TINAG: variants seen among roughly 807,000 people sequenced by gnomAD.
TINAG encodes tubulointerstitial nephritis antigen.
In TINAG, 83 loss-of-function variants were observed where a neutral mutation model predicts 72.7. The observed-to-expected ratio is 1.14, with a 90% CI of 0.96 to 1.37. The LOEUF is 1.37. Ranked by LOEUF, TINAG falls within the 40% of genes most tolerant of loss-of-function variation. The probability of loss-of-function intolerance (pLI) is 0.00; values close to 1 mark genes in which losing one functional copy is unlikely to be tolerated. For missense variants in TINAG, 685 were observed against 576.6 expected, an observed-to-expected ratio of 1.19 and a Z score of -1.93; for synonymous variants, 234 against 189.9, an observed-to-expected ratio of 1.23 and a Z score of -1.91.
intron 10 of TINAG, among the ~76,000 whole-genome samples, chr6:54,382,512 A>T (rs960657333): frequency 6.6e-6 from 1 of 152,058 alleles, no homozygotes; most frequent in Non-Finnish European, 1.5e-5. Flanking sequence ...TAAAATATGA[A>T]ACTTTAAGTA....
At chr6:54,377,497 G>T (rs1763816341) in intron 9 of TINAG, among the ~76,000 whole-genome samples, 1 of 151,406 alleles carries the variant, frequency 6.6e-6, no homozygotes, top group Admixed American at 6.6e-5. Context: ...GGGCAACAGG[G>T]TGAGACTCGG....
Position 54,308,687 on chromosome 6 carries a change from G to A in TINAG, c.137G>A (p.Arg46Gln), listed in dbSNP as rs147898099. The change falls in exon 1 of 11, where the codon CGA becomes CAA. Residue 46 changes from arginine to glutamine, a missense_variant. Coordinates refer to ENST00000259782, the MANE Select transcript of TINAG (RefSeq NM_014464.4). ...AATCACACCGTTTTGCAAGGTACTC[G>A]ATTCAAAAGAGCCATTTTCCAAGGG... ...TRNHTVLQGT[R>Q]FKRAIFQGQY... 1.4e-5 allele frequency: 23 copies of A among 1,613,688 alleles called. No individual in the cohort carries two copies. Among genetic ancestry groups the A allele is most frequent in the Middle Eastern group, 1.6e-4 (1 of 6,080 alleles).
intron 5 of TINAG, among the ~76,000 whole-genome samples, chr6:54,345,458 G>C (rs1331587908): frequency 6.6e-6 from 1 of 152,108 alleles, no homozygotes; most frequent in Admixed American, 6.6e-5. Flanking sequence ...GAAGCCAAAA[G>C]ATGAGAAATA....
intron 1 of TINAG, among the ~76,000 whole-genome samples, chr6:54,318,055 C>T (rs1217783248): frequency 2.6e-5 from 4 of 152,026 alleles, no homozygotes; most frequent in Admixed American, 6.6e-5. Context: ...CAGGCCACTC[C>T]TTCGCAGTTT....
rs138038637 is a variant in TINAG, at chr6:54,356,657, A to C, written c.1250+2021A>C. Among the ~76,000 whole-genome samples, 865 of 152,074 alleles carry C rather than the reference A, an allele frequency of 5.7e-3. 11 individuals carry two copies. Among genetic ancestry groups the C allele is most frequent in the African/African-American group, 0.02 (822 of 41,554 alleles). On this transcript the variant is annotated intron_variant, in intron 9 of 10. Transcript: ENST00000259782. ...GTTAGTGAAAAGTTTGACAAACAAA[A>C]ATAGAAAGACAATATAGGATAAGTC...
intron 4 of TINAG, among the ~76,000 whole-genome samples, chr6:54,335,688 A>G (rs1367365460): frequency 6.6e-6 from 1 of 152,204 alleles, no homozygotes; most frequent in Non-Finnish European, 1.5e-5. Context: ...TTGACTACAT[A>G]GAAAAACCCA....
At chr6:54,371,635 G>A (rs1298535297) in intron 9 of TINAG, among the ~76,000 whole-genome samples, 6 of 151,832 alleles carry the variant, frequency 4.0e-5, no homozygotes, top group Non-Finnish European at 1.5e-5. Context: ...AAGGTAGTAA[G>A]GAAAAGAGAA....
At chr6:54,388,788 C>G (rs909294675) in intron 10 of TINAG, among the ~76,000 whole-genome samples, 2 of 151,978 alleles carry the variant, frequency 1.3e-5, no homozygotes, top group African/African-American at 2.4e-5. Context: ...CCAATCCAAC[C>G]ATTTTTGCAT....
In TINAG at chr6:54,320,567, T is replaced by C. The variant is rs757134950; in HGVS notation, c.356-12T>C. 61 of 1,590,204 alleles carry C rather than the reference T, an allele frequency of 3.8e-5. No homozygotes were observed. Among genetic ancestry groups the C allele is most frequent in the Non-Finnish European group, 4.8e-5 (56 of 1,167,120 alleles). ...TTTAGCATTTTCATTTCTTTACATG[T>C]TACTTTGACAGGTTGCTTCAAAGAT... On this transcript the variant is annotated splice_polypyrimidine_tract_variant and intron_variant, in intron 1 of 10. Transcript: ENST00000259782.
Position 54,347,461 on chromosome 6 carries a change from T to C in TINAG, c.843T>C (p.Arg281=). ...TGATCTCTTGCTGTGCCAAGAACCG[T>C]CATGGATGCAATAGTGGAAGCATCG... ...QNLISCCAKN[R]HGCNSGSIDR... Residue 281 remains arginine, a synonymous_variant, in exon 6 of 11, where the codon CGT becomes CGC. Transcript: ENST00000259782. 1 of 1,613,304 alleles carries C rather than the reference T, an allele frequency of 6.2e-7. No homozygotes were observed. The highest frequency in any genetic ancestry group is 8.5e-7 in the Non-Finnish European group (1 of 1,179,544).
intron 9 of TINAG, among the ~76,000 whole-genome samples, chr6:54,356,838 C>A (rs978957422): frequency 6.6e-6 from 1 of 151,704 alleles, no homozygotes; most frequent in African/African-American, 2.4e-5. Context: ...CAAGGACATG[C>A]AGAAGCAATT....
chr6:54,362,896 A>G (rs927228614), intron 9 of TINAG, among the ~76,000 whole-genome samples: 1 of 151,602 alleles, frequency 6.6e-6, no homozygotes, highest in Non-Finnish European at 1.5e-5. Flanking sequence ...TGTGGTGGAA[A>G]TAGAAAAACA....
intron 1 of TINAG, among the ~76,000 whole-genome samples, chr6:54,311,829 A>G (rs1376060645): frequency 6.6e-6 from 1 of 152,210 alleles, no homozygotes; most frequent in Non-Finnish European, 1.5e-5. Flanking sequence ...GTTCCTCAAA[A>G]AACTTCAGCT....
chr6:54,354,757 T>A, intron 9 of TINAG, 121 bp downstream of exon 9: 2 of 1,141,934 alleles, frequency 1.8e-6, no homozygotes, highest in Non-Finnish European at 2.4e-6. Flanking sequence ...AAATGAAAAA[T>A]GATCTAAACC....
intron 9 of TINAG, among the ~76,000 whole-genome samples, chr6:54,376,151 T>A (rs893877494): frequency 6.6e-6 from 1 of 152,196 alleles, no homozygotes; most frequent in African/African-American, 2.4e-5. Flanking sequence ...AACAAAGTCA[T>A]CTTTGCCTTT....
chr6:54,380,568 T>C lies in TINAG; in HGVS notation c.1293T>C (p.Phe431=), dbSNP rs200616747. 2.5e-6 allele frequency: 4 copies of C among 1,610,454 alleles called. No homozygotes were observed. Among genetic ancestry groups the C allele is most frequent in the East Asian group, 4.5e-5 (2 of 44,638 alleles). ...GAGCACAAGGGCAGAAAGAAAAATT[T>C]TGGGTATGTAACTCTTTCCAGTTGA... The part of the protein sequence containing the change: ...LRGAQGQKEK[F]WIAANSWGKS... The change falls in exon 10 of 11, where the codon TTT becomes TTC. Residue 431 remains phenylalanine, a synonymous_variant. Transcript: ENST00000259782.
At chr6:54,360,841 GTTTTTTTTTTTTTTTTTTTT>G (rs70983415) in intron 9 of TINAG, among the ~76,000 whole-genome samples, 2 of 26,242 alleles carry the variant, frequency 7.6e-5, no homozygotes, top group African/African-American at 2.0e-4. Flanking sequence ...CAGATACTGT[GTTTTTTTTTTTTTTTTTTTT>G]TTTTTTTTTT....
At chr6:54,384,580 AAAT>A (rs1042288215) in intron 10 of TINAG, among the ~76,000 whole-genome samples, 1 of 152,194 alleles carries the variant, frequency 6.6e-6, no homozygotes, top group African/African-American at 2.4e-5. Flanking sequence ...ATGCTGGATA[AAAT>A]AATAATATTG....
chr6:54,338,270 A>G (rs1784913639), intron 4 of TINAG, among the ~76,000 whole-genome samples: 1 of 152,210 alleles, frequency 6.6e-6, no homozygotes. Context: ...AAATCTTCAA[A>G]AATAAATGTA....
Sources: gnomAD v4.1 joint callset for allele counts (sites outside exome capture counted in the v4.1 genomes callset) on GRCh38, gnomAD v4.1.1 for gene constraint, MANE v1.5 for transcripts, NCBI Gene and HGNC (gene_info 2026-07-23, HGNC 2026-07-21) for gene names.